The following CDKN2B-AS1 variants were observed in gnomAD, a reference collection of about 807,000 sequenced individuals.
CDKN2B-AS1 encodes CDKN2B and CDKN2A antisense cis and trans regulatory RNA 1.
At chr9:22,114,308 G>C (rs1054467071) in intron 4 of CDKN2B-AS1, among the ~76,000 whole-genome samples, 1 of 152,148 alleles carries the variant, frequency 6.6e-6, no homozygotes, top group Non-Finnish European at 1.5e-5. Flanking sequence ...TAAAAGTCCT[G>C]ATTCTTCCTG....
intron 1 of CDKN2B-AS1, among the ~76,000 whole-genome samples, chr9:22,042,316 G>A (rs1021580752): frequency 3.9e-5 from 6 of 151,932 alleles, no homozygotes; most frequent in Non-Finnish European, 5.9e-5. Context: ...ATATAATAGT[G>A]AACTAGACAT....
chr9:22,122,093 T>C (rs1368321732), intron 4 of CDKN2B-AS1, among the ~76,000 whole-genome samples: 1 of 151,422 alleles, frequency 6.6e-6, no homozygotes, highest in East Asian at 1.9e-4. Context: ...ACAATAGTCA[T>C]CCTAACTGGG....
intron 4 of CDKN2B-AS1, among the ~76,000 whole-genome samples, chr9:22,096,841 A>G (rs1424878480): frequency 2.6e-5 from 4 of 151,712 alleles, no homozygotes; most frequent in Admixed American, 2.0e-4. Context: ...TCACTCATCA[A>G]TCTATTAGAC....
intron 4 of CDKN2B-AS1, among the ~76,000 whole-genome samples, chr9:22,103,284 G>A (rs1825554064): frequency 6.6e-6 from 1 of 151,962 alleles, no homozygotes; most frequent in South Asian, 2.1e-4. Context: ...ATATATAGCT[G>A]GAAGAGTTTA....
At chr9:22,017,847 C>T (rs960738935) in intron 1 of CDKN2B-AS1, among the ~76,000 whole-genome samples, 5 of 146,472 alleles carry the variant, frequency 3.4e-5, no homozygotes, top group Non-Finnish European at 7.4e-5. Context: ...CCTTAAACTA[C>T]TGCTGAAACA....
At chr9:22,020,048 G>A (rs573006843) in intron 1 of CDKN2B-AS1, among the ~76,000 whole-genome samples, 50 of 152,026 alleles carry the variant, frequency 3.3e-4, no homozygotes, top group East Asian at 1.5e-3. Context: ...GATAGGCCCC[G>A]GTGTGTGTTG....
At chr9:22,054,445 AT>A (rs1823474242) in intron 3 of CDKN2B-AS1, among the ~76,000 whole-genome samples, 1 of 152,232 alleles carries the variant, frequency 6.6e-6, no homozygotes, top group African/African-American at 2.4e-5. Context: ...ATTTGTGACA[AT>A]ACTAATAATT....
rs999041582 is a variant in CDKN2B-AS1 at position 22,106,945 on chromosome 9, A to G, written n.439-20158A>G. On this transcript the variant is annotated intron_variant and non_coding_transcript_variant, in intron 4 of 4. Transcript: ENST00000650946. Reference sequence around the variant, plus strand: ...AAGAAACTTTCCCAAGTTGATCAGTAGCAAAGACAGGATTCGAACCAAGGT... The same window carrying G: ...AAGAAACTTTCCCAAGTTGATCAGTGGCAAAGACAGGATTCGAACCAAGGT... Among the ~76,000 whole-genome samples, 5 of 152,220 alleles carry G rather than the reference A, an allele frequency of 3.3e-5. No homozygotes were observed. The East Asian group carries it at 7.7e-4, about 23-fold the overall frequency.
At chr9:22,085,081 A>T (rs1563971370) in intron 4 of CDKN2B-AS1, among the ~76,000 whole-genome samples, 1 of 152,206 alleles carries the variant, frequency 6.6e-6, no homozygotes, top group Non-Finnish European at 1.5e-5. Context: ...TAACATTCTC[A>T]TAGCTTTGAT....
In CDKN2B-AS1 at chr9:22,005,775, C is replaced by T. The variant is rs184190153; in HGVS notation, n.29+10614C>T. 93 of 635,868 alleles carry T rather than the reference C, an allele frequency of 1.5e-4. No homozygotes were observed. The highest frequency in any genetic ancestry group is 1.4e-3 in the African/African-American group (77 of 54,868). 39.4% of individuals were successfully genotyped at this position (635,868 alleles called of 1,614,324 possible). A position where few individuals can be genotyped will look rare whatever the true frequency, so the allele number is the denominator to read the frequency against. On this transcript the variant is annotated intron_variant and non_coding_transcript_variant, in intron 1 of 4. Transcript: ENST00000650946. The surrounding 1 kb of genome is among the most constrained non-coding windows in gnomAD (Gnocchi z 4.9). ...AAATCCGCTTCTCTGTGTTTCGCTT[C>T]ATGGTGAGTGTCGAGGGCCAGATAA...
chr9:22,084,827 C>T (rs1281542912), intron 4 of CDKN2B-AS1, among the ~76,000 whole-genome samples: 4 of 152,066 alleles, frequency 2.6e-5, no homozygotes, highest in Non-Finnish European at 4.4e-5. Flanking sequence ...TGAAGACTGG[C>T]TGGTTAAAAC....
At chr9:22,078,155 G>A (rs1013874897) in intron 4 of CDKN2B-AS1, among the ~76,000 whole-genome samples, 4 of 151,974 alleles carry the variant, frequency 2.6e-5, no homozygotes, top group Non-Finnish European at 4.4e-5. Context: ...TTGTACTTAC[G>A]ATATGACTTG....
chr9:22,050,345 G>A (rs1823293754), intron 3 of CDKN2B-AS1, among the ~76,000 whole-genome samples: 2 of 152,198 alleles, frequency 1.3e-5, no homozygotes, highest in Admixed American at 1.3e-4. Flanking sequence ...GAGCCAGGGA[G>A]TCCTGACCCC....
chr9:22,006,227 G>A lies in CDKN2B-AS1; in HGVS notation n.29+11066G>A. 6.2e-7 allele frequency: 1 copy of A among 1,606,614 alleles called. No individual in the cohort carries two copies. Among genetic ancestry groups the A allele is most frequent in the Non-Finnish European group, 8.5e-7 (1 of 1,179,838 alleles). On this transcript the variant is annotated intron_variant and non_coding_transcript_variant, in intron 1 of 4. Coordinates refer to ENST00000650946, the Ensembl canonical transcript of CDKN2B-AS1. The surrounding 1 kb of genome is among the most constrained non-coding windows in gnomAD (Gnocchi z 6.4). The stretch of plus-strand genomic sequence containing the variant: ...GGAGCAGCAGCAGCTCCGCCACGCG[G>A]GCGCTGCCCATCATCATGACCTGCC...
At chr9:22,031,912 G>C (rs1265592243) in intron 1 of CDKN2B-AS1, among the ~76,000 whole-genome samples, 1 of 152,194 alleles carries the variant, frequency 6.6e-6, no homozygotes, top group Non-Finnish European at 1.5e-5. Flanking sequence ...ACATGGCAGG[G>C]ACCTGAGGGC....
chr9:22,040,431 C>A (rs1204899805), intron 1 of CDKN2B-AS1, among the ~76,000 whole-genome samples: 4 of 151,946 alleles, frequency 2.6e-5, no homozygotes, highest in Non-Finnish European at 5.9e-5. Context: ...CTAGTTCAAT[C>A]CAGATGTTCA....
At chr9:22,043,369 T>C (rs1020337773) in intron 1 of CDKN2B-AS1, among the ~76,000 whole-genome samples, 3 of 152,152 alleles carry the variant, frequency 2.0e-5, no homozygotes, top group Admixed American at 2.0e-4. Context: ...CTTTTCCACA[T>C]TCGCTGCCTT....
At chr9:22,101,697 CACACAT>C (rs66895589) in intron 4 of CDKN2B-AS1, among the ~76,000 whole-genome samples, 16,405 of 90,874 alleles carry the variant, frequency 0.18, 1,210 homozygotes, top group Middle Eastern at 0.37. Flanking sequence ...CACACACACA[CACACAT>C]GGCTTCTAGA....
intron 4 of CDKN2B-AS1, chr9:22,120,594 T>C (rs933170499): frequency 6.6e-6 from 1 of 152,092 alleles, no homozygotes; most frequent in African/African-American, 2.4e-5. Context: ...AACCTATATC[T>C]CTCTACTAAT....
Sources: allele counts gnomAD v4.1 joint callset (sites outside exome capture counted in the v4.1 genomes callset), GRCh38; gene constraint gnomAD v4.1.1; non-coding constraint Gnocchi (gnomAD v3.1); transcripts MANE v1.5; gene names NCBI Gene and HGNC (gene_info 2026-07-23, HGNC 2026-07-21).